Variants in HNRNPH2 observed in about 807,000 individuals in gnomAD.
The protein encoded by HNRNPH2 is heterogeneous nuclear ribonucleoprotein H2.
For synonymous variants in HNRNPH2, 128 were observed against 128.2 expected, an observed-to-expected ratio of 1.00 and a Z score of 0.01; for missense variants, 115 against 352.9, an observed-to-expected ratio of 0.33 and a Z score of 5.40.
chrX:101,408,741 G>A (rs1225304060), intron 1 of HNRNPH2, among the ~76,000 whole-genome samples: 1 of 111,480 alleles, frequency 9.0e-6, no homozygotes, highest in East Asian at 2.8e-4. Flanking sequence ...TCACATCTAG[G>A]CAAATGCGTG....
At chrX:101,410,145 T>TA (rs1466853031) in intron 1 of HNRNPH2, among the ~76,000 whole-genome samples, 1 of 112,587 alleles carries the variant, frequency 8.9e-6, no homozygotes, top group African/African-American at 3.2e-5. Context: ...TTGTAACTTT[T>TA]AAAATTAAAT....
Position 101,411,916 on chromosome X carries a change from C to T in HNRNPH2, c.-53-20C>T. Reference sequence around the variant, plus strand: ...ACGAGCATTTTTCCATGACAGTAGTCTTCTTTTTTTTTTTTTCAGCTACAC... The same window carrying T: ...ACGAGCATTTTTCCATGACAGTAGTTTTCTTTTTTTTTTTTTCAGCTACAC... On this transcript the variant is annotated intron_variant, in intron 1 of 1. Coordinates refer to ENST00000316594, the MANE Select transcript of HNRNPH2 (RefSeq NM_019597.5). 3 of 1,110,313 alleles carry T rather than the reference C, an allele frequency of 2.7e-6. No individual in the cohort carries two copies. Among genetic ancestry groups the T allele is most frequent in the East Asian group, 3.1e-5 (1 of 32,716 alleles). The allele number at this position is 1,110,313 out of a possible 1,213,427, so 91.5% of individuals were successfully genotyped here.
intron 1 of HNRNPH2, among the ~76,000 whole-genome samples, chrX:101,408,608 C>G (rs781969588): frequency 3.2e-4 from 35 of 111,034 alleles, no homozygotes; most frequent in Admixed American, 1.3e-3. Flanking sequence ...AACCACGGCC[C>G]TGAGTTAAGA....
Position 101,414,125 on chromosome X carries a change from T to C in HNRNPH2, c.*787T>C, listed in dbSNP as rs1394132501. The C allele has an allele frequency of 8.2e-6, 1 of 121,994 alleles. No homozygotes were observed. Among genetic ancestry groups the C allele is most frequent in the African/African-American group, 3.2e-5 (1 of 30,820 alleles). 10.1% of individuals were successfully genotyped at this position (121,994 alleles called of 1,213,427 possible). A position where few individuals can be genotyped will look rare whatever the true frequency, so the allele number is the denominator to read the frequency against. On this transcript the variant is annotated 3_prime_UTR_variant, in exon 2 of 2. Transcript: ENST00000316594. Reference sequence around the variant, plus strand: ...TTAAATAAATCTTCCTTTTAAAAACTGGAAAAAATCTTGAACTGATTGATT... The same window carrying C: ...TTAAATAAATCTTCCTTTTAAAAACCGGAAAAAATCTTGAACTGATTGATT...
rs782130184 is a variant in HNRNPH2, at chrX:101,414,076, A to G, written c.*738A>G. 1 of 122,034 alleles carries G rather than the reference A, an allele frequency of 8.2e-6. No homozygotes were observed. The highest frequency in any genetic ancestry group is 3.3e-5 in the African/African-American group (1 of 30,578). 10.1% of individuals were successfully genotyped at this position (122,034 alleles called of 1,213,427 possible). On this transcript the variant is annotated 3_prime_UTR_variant, in exon 2 of 2. Transcript: ENST00000316594. The stretch of plus-strand genomic sequence containing the variant: ...TCCTTGTATTGTGATTTCCATTTAG[A>G]TGTATTGTACTAAGTGAAACTTGTT...
rs1555988494 is a variant in HNRNPH2, at chrX:101,412,864, C to T, written c.876C>T (p.His292=). Residue 292 remains histidine (H), a synonymous_variant, in exon 2 of 2, where the codon CAC becomes CAT. Transcript: ENST00000316594. The stretch of plus-strand genomic sequence containing the variant: ...AGAGCACCACAGGGCACTGTGTACA[C>T]ATGAGGGGGTTACCTTACAGAGCCA... ...SFQSTTGHCV[H]MRGLPYRATE... is the part of the protein sequence containing the mutation. 1 of 1,208,783 alleles carries T rather than the reference C, an allele frequency of 8.3e-7. No individual in the cohort carries two copies. Among genetic ancestry groups the T allele is most frequent in the South Asian group, 1.8e-5 (1 of 56,872 alleles).
At chrX:101,411,283 G>T (rs1412764602) in intron 1 of HNRNPH2, among the ~76,000 whole-genome samples, 1 of 107,952 alleles carries the variant, frequency 9.3e-6, no homozygotes, top group Non-Finnish European at 1.9e-5. Flanking sequence ...TACATAACCT[G>T]TGTTTTGTTT....
At position 101,413,965 on chromosome X, in the gene HNRNPH2, C is replaced by T. The variant is rs1284002146; in HGVS notation, c.*627C>T. 3 of 118,187 alleles carry T rather than the reference C, an allele frequency of 2.5e-5. No homozygotes were observed. The highest frequency in any genetic ancestry group is 6.8e-5 in the African/African-American group (2 of 29,286). 9.7% of individuals were successfully genotyped at this position (118,187 alleles called of 1,213,427 possible). A position where few individuals can be genotyped will look rare whatever the true frequency, so the allele number is the denominator to read the frequency against. On this transcript the variant is annotated 3_prime_UTR_variant, in exon 2 of 2. Transcript: ENST00000316594. Reference sequence around the variant, plus strand: ...TACACTTTTTTTTTTTTTAAGGATACGGGACAATTTTAAGATGTAATACCA... The same window carrying T: ...TACACTTTTTTTTTTTTTAAGGATATGGGACAATTTTAAGATGTAATACCA...
chrX:101,413,093 G>A lies in HNRNPH2; in HGVS notation c.1105G>A (p.Gly369Arg). ...LFLNSTAGTS[G>R]GAYDHSYVEL... is the part of the protein sequence containing the mutation. The stretch of plus-strand genomic sequence containing the variant: ...CTTAAATTCTACTGCAGGAACAAGT[G>A]GGGGTGCTTACGATCACAGCTATGT... Residue 369 changes from glycine to arginine, a missense_variant, in exon 2 of 2, where the codon GGG (glycine) becomes AGG (arginine). Coordinates refer to ENST00000316594, the MANE Select transcript of HNRNPH2 (RefSeq NM_019597.5). 8.3e-7 allele frequency: 1 copy of A among 1,211,829 alleles called. No homozygotes were observed. Among genetic ancestry groups the A allele is most frequent in the African/African-American group, 1.7e-5 (1 of 57,856 alleles).
At chrX:101,411,686 A>G (rs924213108) in intron 1 of HNRNPH2, among the ~76,000 whole-genome samples, 38 of 110,451 alleles carry the variant, frequency 3.4e-4, no homozygotes, top group Non-Finnish European at 6.0e-4. Flanking sequence ...AAGTGCTGGG[A>G]TTACAGGCGT....
intron 1 of HNRNPH2, among the ~76,000 whole-genome samples, chrX:101,409,798 A>G (rs1928720956): frequency 9.0e-6 from 1 of 111,705 alleles, no homozygotes; most frequent in Non-Finnish European, 1.9e-5. Context: ...CATACTATGT[A>G]TATTCTTTTA....
Position 101,411,997 on chromosome X carries a change from G to C in HNRNPH2, c.9G>C (p.Leu3=), listed in dbSNP as rs781926958. 1 of 1,206,115 alleles carries C rather than the reference G, an allele frequency of 8.3e-7. No homozygotes were observed. Among genetic ancestry groups the C allele is most frequent in the Non-Finnish European group, 1.1e-6 (1 of 893,684 alleles). ...AGAGCCCAACAATCACCATGATGCT[G>C]AGCACGGAAGGCAGGGAGGGGTTCG... MM[L]STEGREGFVV... is the part of the protein sequence containing the mutation. The change falls in exon 2 of 2, where the codon CTG becomes CTC. Residue 3 remains leucine (L), a synonymous_variant. Transcript: ENST00000316594.
rs149550485 is a variant in HNRNPH2, at chrX:101,411,783, A to G, written c.-53-153A>G. 2.4e-4 allele frequency among the ~76,000 whole-genome samples: 27 copies of G among 112,153 alleles called. No homozygotes were observed. The East Asian group carries it at 6.4e-3, about 26-fold the overall frequency. On this transcript the variant is annotated intron_variant, in intron 1 of 1. Transcript: ENST00000316594. ...TGAATAAATAACTGCTAAAAAATGA[A>G]TGAGTTAAAAATTTGGTGAACTCTC...
rs782013153 is a variant in HNRNPH2 at position 101,411,965 on chromosome X, GCCA to G, written c.-20_-18del. On this transcript the variant is annotated 5_prime_UTR_variant, in exon 2 of 2. Coordinates refer to ENST00000316594, the MANE Select transcript of HNRNPH2 (RefSeq NM_019597.5). ...ACCAAAATTGCATTGAGCCAAACTT[GCCA>G]CCAAGAGCCCAACAATCACCATGAT... is the stretch of plus-strand genomic sequence containing the variant. The G allele has an allele frequency of 4.0e-5, 46 of 1,148,264 alleles. No homozygotes were observed. The African/African-American group carries it at 6.4e-4, about 16-fold the overall frequency. The allele number at this position is 1,148,264 out of a possible 1,213,427, so 94.6% of individuals were successfully genotyped here. A position where few individuals can be genotyped will look rare whatever the true frequency, so the allele number is the denominator to read the frequency against.
chrX:101,412,435 G>A lies in HNRNPH2; in HGVS notation c.447G>A (p.Gly149=). The change falls in exon 2 of 2, where the codon GGG becomes GGA. Residue 149 remains glycine (G), a synonymous_variant. Coordinates refer to ENST00000316594, the MANE Select transcript of HNRNPH2 (RefSeq NM_019597.5). Reference sequence around the variant, plus strand: ...TGACACTGCCAGTGGACTTTCAGGGGCGAAGCACAGGGGAAGCCTTTGTGC... The same window carrying A: ...TGACACTGCCAGTGGACTTTCAGGGACGAAGCACAGGGGAAGCCTTTGTGC... ...NGMTLPVDFQ[G]RSTGEAFVQF... 1 of 1,211,836 alleles carries A rather than the reference G, an allele frequency of 8.3e-7. No individual in the cohort carries two copies. The highest frequency in any genetic ancestry group is 3.0e-5 in the East Asian group (1 of 33,859).
intron 1 of HNRNPH2, among the ~76,000 whole-genome samples, chrX:101,410,539 A>C (rs1928753025): frequency 8.9e-6 from 1 of 112,295 alleles, no homozygotes; most frequent in Non-Finnish European, 1.9e-5. Flanking sequence ...TCTCATACTT[A>C]ATCTGTTATC....
Position 101,412,199 on chromosome X carries a change from T to C in HNRNPH2, c.211T>C (p.Leu71=), listed in dbSNP as rs1555988344. Residue 71 remains leucine (L), a synonymous_variant, in exon 2 of 2, where the codon TTG becomes CTG. Transcript: ENST00000316594. The part of the protein sequence containing the change: ...LESEEEVKLA[L]KKDRETMGHR... ...ATCTGAAGAGGAAGTGAAATTGGCT[T>C]TGAAGAAGGACAGAGAAACCATGGG... is the stretch of plus-strand genomic sequence containing the variant. 8.3e-7 allele frequency: 1 copy of C among 1,212,069 alleles called. No individual in the cohort carries two copies. The highest frequency in any genetic ancestry group is 1.1e-6 in the Non-Finnish European group (1 of 895,448).
Position 101,410,340 on chromosome X carries a change from A to C in HNRNPH2, c.-53-1596A>C, listed in dbSNP as rs543241490. Among the ~76,000 whole-genome samples, 36 of 112,358 alleles carry C rather than the reference A, an allele frequency of 3.2e-4. No homozygotes were observed. The South Asian group carries it at 0.013, about 41-fold the overall frequency. ...GTTTATCAAAAAGGAAATAGTTTAT[A>C]TCAATTATCACTCTTCTGGTAGTGT... On this transcript the variant is annotated intron_variant, in intron 1 of 1. Transcript: ENST00000316594.
chrX:101,409,263 G>C (rs782751517), intron 1 of HNRNPH2, among the ~76,000 whole-genome samples: 7 of 112,516 alleles, frequency 6.2e-5, no homozygotes, highest in Non-Finnish European at 1.3e-4. Flanking sequence ...CAGTGTGCTA[G>C]GCACATAATC....
Sources: allele counts gnomAD v4.1 joint callset (sites outside exome capture counted in the v4.1 genomes callset), GRCh38; gene constraint gnomAD v4.1.1; transcripts MANE v1.5; gene names NCBI Gene and HGNC (gene_info 2026-07-23, HGNC 2026-07-21).